The following C12orf42 variants were observed in gnomAD, a reference collection of about 807,000 sequenced individuals.
The protein encoded by C12orf42 is uncharacterized protein C12orf42.
A neutral mutation model predicts 21.6 loss-of-function variants in C12orf42; 25 were observed. That is an observed-to-expected ratio of 1.16 (90% CI 0.84 to 1.62). The LOEUF (loss-of-function observed/expected upper bound fraction) is 1.62. Ranked by LOEUF, C12orf42 falls within the 40% of genes most tolerant of loss-of-function variation. The pLI is 0.00. For synonymous variants in C12orf42, 174 were observed against 175.0 expected (o/e 0.99, Z 0.05); for missense variants, 483 against 459.3 (o/e 1.05, Z -0.47).
At chr12:103,255,465 G>C (rs188452150) in intron 10 of C12orf42, among the ~76,000 whole-genome samples, 1 of 152,166 alleles carries the variant, frequency 6.6e-6, no homozygotes, top group African/African-American at 2.4e-5. Context: ...TTTTAGATTT[G>C]TTTATTTCTC....
intron 2 of C12orf42, among the ~76,000 whole-genome samples, chr12:103,406,187 A>G (rs185058370): frequency 1.3e-5 from 2 of 152,324 alleles, no homozygotes; most frequent in African/African-American, 4.8e-5. Context: ...TTTACTGTAC[A>G]TCAAAATCAC....
upstream of C12orf42, among the ~76,000 whole-genome samples, chr12:103,497,669 T>G (rs1043785187): frequency 1.3e-5 from 2 of 152,188 alleles, no homozygotes; most frequent in Admixed American, 1.3e-4. Context: ...ACCTATCACG[T>G]GTCAGGCAAA....
intron 10 of C12orf42, among the ~76,000 whole-genome samples, chr12:103,256,429 A>G (rs1036447490): frequency 6.6e-6 from 1 of 151,844 alleles, no homozygotes; most frequent in Non-Finnish European, 1.5e-5. Context: ...GAAACAAACC[A>G]CCAAGAGCCC....
rs771870036 is a variant in C12orf42, at chr12:103,368,985, T to C, written c.161A>G (p.Tyr54Cys). Residue 54 changes from tyrosine (Y) to cysteine (C), a missense_variant, in exon 4 of 6, where the codon TAT becomes TGT. Coordinates refer to ENST00000548883, the MANE Select transcript of C12orf42 (RefSeq NM_198521.5). ...STPSAKHIPC[Y>C]ERTSVPCSRF... ...GGAGCAGGGTACTGAAGTTCTTTCA[T>C]AACAAGGGATGTGCTGTAAGATAGA... 13 of 1,583,828 alleles carry C rather than the reference T, an allele frequency of 8.2e-6. No homozygotes were observed. The South Asian group carries it at 1.4e-4, about 17-fold the overall frequency.
the C12orf42 span, among the ~76,000 whole-genome samples, chr12:103,117,373 C>A: frequency 6.6e-6 from 1 of 152,146 alleles, no homozygotes; most frequent in Non-Finnish European, 1.5e-5. Context: ...CTGTCCCTAA[C>A]TATATTTAGT....
At chr12:103,287,778 C>T (rs1412557167) in intron 4 of C12orf42, among the ~76,000 whole-genome samples, 7 of 150,722 alleles carry the variant, frequency 4.6e-5, no homozygotes, top group East Asian at 1.9e-4. Context: ...TCTAAACCTA[C>T]GCACACAAAC....
the C12orf42 span, among the ~76,000 whole-genome samples, chr12:103,196,490 G>A: frequency 6.6e-6 from 1 of 152,058 alleles, no homozygotes; most frequent in Admixed American, 6.5e-5. Flanking sequence ...AAGTATTTTT[G>A]TTAGTTTTCT....
the C12orf42 span, among the ~76,000 whole-genome samples, chr12:103,526,669 C>T: frequency 6.6e-6 from 1 of 152,120 alleles, no homozygotes; most frequent in South Asian, 2.1e-4. Context: ...CATTAAGCAC[C>T]AGAAAGCTCA....
At chr12:103,263,362 A>G (rs1018609997) in exon 10 of C12orf42, 7 of 152,218 alleles carry the variant, frequency 4.6e-5, no homozygotes, top group African/African-American at 1.7e-4. Flanking sequence ...TGGCCAAGCT[A>G]AACAGTCACC....
intron 2 of C12orf42, among the ~76,000 whole-genome samples, chr12:103,412,688 G>A (rs1040336303): frequency 3.9e-5 from 6 of 152,030 alleles, no homozygotes; most frequent in African/African-American, 1.4e-4. Context: ...ATCTCACCAT[G>A]GTTTTGATTT....
chr12:103,543,426 T>C, the C12orf42 span, among the ~76,000 whole-genome samples: 10 of 151,808 alleles, frequency 6.6e-5, no homozygotes, highest in African/African-American at 1.9e-4. Context: ...CTAGGCAACA[T>C]AGGGAGGCCC....
chr12:103,230,065 T>C, the C12orf42 span, among the ~76,000 whole-genome samples: 184 of 152,380 alleles, frequency 1.2e-3, 1 homozygote, highest in Non-Finnish European at 2.3e-3. Flanking sequence ...AAGTGATTTG[T>C]TTAAATGATC....
chr12:103,207,036 T>A, the C12orf42 span, among the ~76,000 whole-genome samples: 2 of 152,142 alleles, frequency 1.3e-5, no homozygotes, highest in Non-Finnish European at 1.5e-5. Flanking sequence ...GATGAAAAGG[T>A]AGCTCTGTGG....
intron 3 of C12orf42, among the ~76,000 whole-genome samples, chr12:103,390,682 AG>A (rs1277393452): frequency 6.6e-6 from 1 of 152,230 alleles, no homozygotes; most frequent in Non-Finnish European, 1.5e-5. Context: ...TCAAACCCAG[AG>A]GTTTGAAAAT....
chr12:103,256,721 G>C lies in C12orf42; in HGVS notation c.*1366+6605C>G, dbSNP rs2034636270. Among the ~76,000 whole-genome samples the C allele has an allele frequency of 2.0e-5, 3 of 152,154 alleles. No individual in the cohort carries two copies. The South Asian group carries it at 6.2e-4, about 32-fold the overall frequency. ...CCTTTCTAATACAGGAAACACCTATGGAGAAACCACTAGAAATAGAATAAA... is the reference window on the plus strand; with the variant it reads ...CCTTTCTAATACAGGAAACACCTATCGAGAAACCACTAGAAATAGAATAAA... On this transcript the variant is annotated intron_variant and NMD_transcript_variant, in intron 10 of 10. Coordinates refer to the C12orf42 transcript ENST00000547347.
the C12orf42 span, among the ~76,000 whole-genome samples, chr12:103,513,291 C>T: frequency 1.3e-5 from 2 of 152,092 alleles, no homozygotes; most frequent in African/African-American, 4.8e-5. Context: ...GAACCTATAG[C>T]TCTATTTGGC....
At chr12:103,400,025 A>C (rs1472600691) in intron 3 of C12orf42, among the ~76,000 whole-genome samples, 1 of 152,208 alleles carries the variant, frequency 6.6e-6, no homozygotes, top group Non-Finnish European at 1.5e-5. Context: ...TAAAACAAAT[A>C]ATACGAAAGT....
chr12:103,243,647 T>C (rs2033864694), intron 10 of C12orf42, among the ~76,000 whole-genome samples: 1 of 152,166 alleles, frequency 6.6e-6, no homozygotes, highest in Admixed American at 6.6e-5. Context: ...ATGCTTCTCT[T>C]TGTTAGCAAA....
chr12:103,281,175 A>G (rs150400202), intron 4 of C12orf42, among the ~76,000 whole-genome samples: 4 of 152,362 alleles, frequency 2.6e-5, no homozygotes, highest in Admixed American at 6.5e-5. Flanking sequence ...TTTACACAGA[A>G]TTGCAAGAAT....
Sources: gnomAD v4.1 joint callset for allele counts (sites outside exome capture counted in the v4.1 genomes callset) on GRCh38, gnomAD v4.1.1 for gene constraint, MANE v1.5 for transcripts, NCBI Gene and HGNC (gene_info 2026-07-23, HGNC 2026-07-21) for gene names.